SBF1: variants seen among roughly 807,000 people sequenced by gnomAD.
SBF1 encodes the protein SET binding factor 1, also known as myotubularin-related protein 5.
A neutral mutation model predicts 215.8 loss-of-function variants in SBF1; 65 were observed. That is an observed-to-expected ratio of 0.30 (90% CI 0.25 to 0.37). SBF1 has a LOEUF of 0.37. SBF1 is among the 10% of genes least tolerant of loss of function. The probability of loss-of-function intolerance (pLI) is 1.00; values close to 1 mark genes in which losing one functional copy is unlikely to be tolerated. For missense variants in SBF1, 2,634 were observed against 2,667.8 expected (o/e 0.99, Z 0.28); for synonymous variants, 1,410 against 1,122.8 (o/e 1.26, Z -5.11).
At chr22:50,456,819 G>T in intron 29 of SBF1, 146 bp from the exon 30 acceptor site, 1 of 778,856 alleles carries the variant, frequency 1.3e-6, no homozygotes, top group South Asian at 2.0e-5. Context: ...CGAGAGGAGG[G>T]CTGGAACACA....
chr22:50,445,937 AG>A lies in SBF1; in HGVS notation c.*1204del. On this transcript the variant is annotated 3_prime_UTR_variant, in exon 41 of 41. Coordinates refer to ENST00000380817, the MANE Select transcript of SBF1 (RefSeq NM_002972.4). ...GCCTCCCACCTGAGAGGACCACCTG[AG>A]GGACCCAGCCTCTAGCCAGGTTCTC... is the stretch of plus-strand genomic sequence containing the variant. 6.6e-6 allele frequency: 1 copy of A among 151,442 alleles called. No homozygotes were observed. The highest frequency in any genetic ancestry group is 1.5e-5 in the Non-Finnish European group (1 of 68,160). The allele number at this position is 151,442 out of a possible 1,614,324, so 9.4% of individuals were successfully genotyped here.
Position 50,466,937 on chromosome 22 carries a change from G to A in SBF1, c.550-227C>T, listed in dbSNP as rs74455729. ...GTGGCTGCTTTTGACTTGGGGGTAG[G>A]GATGGGGCCTAGGTGGGCGGAAGAA... is the stretch of plus-strand genomic sequence containing the variant. On this transcript the variant is annotated intron_variant, in intron 5 of 40. Coordinates refer to ENST00000380817, the MANE Select transcript of SBF1 (RefSeq NM_002972.4). The A allele has an allele frequency of 1.1e-3, 623 of 564,740 alleles. 1 individual carries two copies. The highest frequency in any genetic ancestry group is 0.011 in the African/African-American group (562 of 53,022). 35.0% of individuals were successfully genotyped at this position (564,740 alleles called of 1,614,324 possible). A position where few individuals can be genotyped will look rare whatever the true frequency, so the allele number is the denominator to read the frequency against.
chr22:50,459,111 C>A, intron 28 of SBF1, 144 bp downstream of exon 28: 1 of 1,268,346 alleles, frequency 7.9e-7, no homozygotes, highest in Non-Finnish European at 1.1e-6. Flanking sequence ...CCACGGCACC[C>A]GGAGGGCATG....
rs1053799991 is a variant in SBF1, at chr22:50,445,449, C to T, written c.*1693G>A. The T allele has an allele frequency of 2.0e-5, 3 of 152,310 alleles. No individual in the cohort carries two copies. The highest frequency in any genetic ancestry group is 7.2e-5 in the African/African-American group (3 of 41,442). 9.4% of individuals were successfully genotyped at this position (152,310 alleles called of 1,614,324 possible). A position where few individuals can be genotyped will look rare whatever the true frequency, so the allele number is the denominator to read the frequency against. ...CCGCCCCAGCGAGCTTGTCTTTCCA[C>T]CACGGTTGGGGGTGGAGGGAACCCG... On this transcript the variant is annotated 3_prime_UTR_variant, in exon 41 of 41. Coordinates refer to ENST00000380817, the MANE Select transcript of SBF1 (RefSeq NM_002972.4).
chr22:50,467,287 CCAG>C, intron 5 of SBF1, 48 bp downstream of exon 5: 2 of 1,493,340 alleles, frequency 1.3e-6, no homozygotes, highest in South Asian at 2.3e-5. Flanking sequence ...TACCAGGGCC[CCAG>C]CAGGAGGGCC....
chr22:50,460,167 G>T lies in SBF1; in HGVS notation c.3284-8C>A, dbSNP rs1255879417. The T allele has an allele frequency of 1.2e-6, 2 of 1,610,360 alleles. No individual in the cohort carries two copies. Among genetic ancestry groups the T allele is most frequent in the East Asian group, 4.5e-5 (2 of 44,878 alleles). ...GCTCCAGCTCCTCCGACACTGCACA[G>T]GCCGGGCACACGTGGTCATCACGGG... On this transcript the variant is annotated splice_polypyrimidine_tract_variant and splice_region_variant and intron_variant, in intron 25 of 40. Coordinates refer to ENST00000380817, the MANE Select transcript of SBF1 (RefSeq NM_002972.4).
intron 15 of SBF1, among the ~76,000 whole-genome samples, chr22:50,463,653 A>C (rs984698822): frequency 5.9e-5 from 9 of 152,208 alleles, no homozygotes; most frequent in African/African-American, 2.2e-4. Context: ...CAGATGCTGC[A>C]CCTGTGAGCT....
chr22:50,456,968 A>C, intron 29 of SBF1, 66 bp downstream of exon 29: 1 of 1,247,684 alleles, frequency 8.0e-7, no homozygotes, highest in Non-Finnish European at 1.1e-6. Flanking sequence ...GCAATAACTC[A>C]GTGCACACTA....
In SBF1 at chr22:50,455,618, C is replaced by T. The variant is rs776992023; in HGVS notation, c.4267-36G>A. The stretch of plus-strand genomic sequence containing the variant: ...AGGCGGCCTCAGCACCTCGGGGACC[C>T]ACCGCCCTCCCGCCTGGCCACTCAC... On this transcript the variant is annotated intron_variant, in intron 31 of 40. Transcript: ENST00000380817. 266 of 1,527,344 alleles carry T rather than the reference C, an allele frequency of 1.7e-4. 1 individual carries two copies. The highest frequency in any genetic ancestry group is 2.2e-4 in the Non-Finnish European group (253 of 1,125,610). The allele number at this position is 1,527,344 out of a possible 1,614,324, so 94.6% of individuals were successfully genotyped here.
rs769551466 is a variant in SBF1 at position 50,460,365 on chromosome 22, C to T, written c.3190G>A (p.Gly1064Arg). The change falls in exon 25 of 41, where the codon GGG (glycine) becomes AGG (arginine). Residue 1064 changes from glycine to arginine, a missense_variant. Transcript: ENST00000380817. ...TTCTTGCGAGTGACATGCTGCCGCC[C>T]GATGGTCTTCTTGGCGTTCTTGACC... ...NLVKNAKKTI[G>R]RQHVTRKKYN... 5 of 1,613,328 alleles carry T rather than the reference C, an allele frequency of 3.1e-6. No individual in the cohort carries two copies. Among genetic ancestry groups the T allele is most frequent in the Admixed American group, 1.7e-5 (1 of 59,950 alleles).
chr22:50,465,923 G>A (rs1355805645), intron 9 of SBF1, 38 bp downstream of exon 9: 3 of 1,610,522 alleles, frequency 1.9e-6, no homozygotes, highest in African/African-American at 2.7e-5. Flanking sequence ...ACATCCCAAA[G>A]GCCCCCAAGG....
intron 12 of SBF1, 41 bp from the exon 13 acceptor site, chr22:50,464,958 C>T (rs369487204): frequency 3.5e-5 from 57 of 1,613,410 alleles, no homozygotes; most frequent in Middle Eastern, 1.7e-4. Context: ...CATGGTCAGG[C>T]GGAGCCAGGG....
chr22:50,454,471 G>T (rs987473768), intron 36 of SBF1, 41 bp downstream of exon 36: 1 of 1,533,416 alleles, frequency 6.5e-7, no homozygotes. Context: ...AGCGAGAGGA[G>T]GGGGGTGCCA....
Position 50,465,857 on chromosome 22 carries a change from G to T in SBF1, c.1012-17C>A. ...GTCCAGGACCTGCCAGCACAGAATGGAGCAGGCAGCTGCACGCTGGCCCCG... is the reference window on the plus strand; with the variant it reads ...GTCCAGGACCTGCCAGCACAGAATGTAGCAGGCAGCTGCACGCTGGCCCCG... On this transcript the variant is annotated splice_polypyrimidine_tract_variant and intron_variant, in intron 9 of 40. Transcript: ENST00000380817. 1 of 1,613,114 alleles carries T rather than the reference G, an allele frequency of 6.2e-7. No homozygotes were observed. Among genetic ancestry groups the T allele is most frequent in the Non-Finnish European group, 8.5e-7 (1 of 1,179,718 alleles).
At position 50,459,319 on chromosome 22, in the gene SBF1, G is replaced by A. The variant is rs1376345311; in HGVS notation, c.3762C>T (p.Arg1254=). The part of the protein sequence containing the change: ...YLQAVVSSMP[R]YADASGRNTL... Reference sequence around the variant, plus strand: ...TGTTGCGTCCCGACGCGTCGGCGTAGCGGGGCATGGAGCTGACCACAGCCT... The same window carrying A: ...TGTTGCGTCCCGACGCGTCGGCGTAACGGGGCATGGAGCTGACCACAGCCT... Residue 1254 remains arginine, a synonymous_variant, in exon 28 of 41, where the codon CGC becomes CGT. Transcript: ENST00000380817. The A allele has an allele frequency of 6.2e-7, 1 of 1,612,786 alleles. No individual in the cohort carries two copies. The highest frequency in any genetic ancestry group is 1.1e-5 in the South Asian group (1 of 91,068).
At chr22:50,457,976 G>A (rs1371409668) in intron 28 of SBF1, among the ~76,000 whole-genome samples, 2 of 152,190 alleles carry the variant, frequency 1.3e-5, no homozygotes, top group Admixed American at 6.5e-5. Context: ...TGCTTTGGAC[G>A]CCAACCAGGG....
rs751696111 is a variant in SBF1 at position 50,461,662 on chromosome 22, C to T, written c.2700G>A (p.Leu900=). The T allele has an allele frequency of 1.9e-6, 3 of 1,610,600 alleles. No individual in the cohort carries two copies. The African/African-American group carries it at 4.0e-5, about 21-fold the overall frequency. The change falls in exon 22 of 41, where the codon CTG becomes CTA. Residue 900 remains leucine (L), a synonymous_variant. Coordinates refer to ENST00000380817, the MANE Select transcript of SBF1 (RefSeq NM_002972.4). The part of the protein sequence containing the change: ...LPGEECVLDG[L]RVYLLPDGRE... ...GCCCATCCGGCAGCAGGTAGACGCGCAGGCCGTCCAGCACACACTCCTCAC... is the reference window on the plus strand; with the variant it reads ...GCCCATCCGGCAGCAGGTAGACGCGTAGGCCGTCCAGCACACACTCCTCAC...
intron 1 of SBF1, among the ~76,000 whole-genome samples, chr22:50,469,350 C>T (rs539586291): frequency 3.9e-5 from 6 of 152,352 alleles, no homozygotes; most frequent in African/African-American, 1.4e-4. Context: ...GCCTATGTCT[C>T]CCCACCAGAC....
chr22:50,470,748 C>CGAG, intron 1 of SBF1, among the ~76,000 whole-genome samples: 1 of 152,220 alleles, frequency 6.6e-6, no homozygotes, highest in African/African-American at 2.4e-5. Context: ...GCTACACAAC[C>CGAG]ATCCTCCCCA....
Sources: gnomAD v4.1 joint callset for allele counts (sites outside exome capture counted in the v4.1 genomes callset) on GRCh38, gnomAD v4.1.1 for gene constraint, MANE v1.5 for transcripts, NCBI Gene and HGNC (gene_info 2026-07-23, HGNC 2026-07-21) for gene names.